CUL1: variants seen among roughly 807,000 people sequenced by gnomAD.
CUL1 encodes cullin 1.
CUL1 carries 24 observed loss-of-function variants against 118.0 expected under a neutral mutation model. That is an observed-to-expected ratio of 0.20 (90% CI 0.15 to 0.29). CUL1 has a LOEUF of 0.29. Among genes scored for constraint, CUL1 ranks in the 10% least tolerant of loss-of-function variants. The pLI, the probability that CUL1 is intolerant of heterozygous loss-of-function variation, is 1.00. For synonymous variants in CUL1, 332 were observed against 340.4 expected (o/e 0.98, Z 0.27); for missense variants, 361 against 933.8 (o/e 0.39, Z 7.99).
At chr7:148,790,521 TCAG>T (rs1183289615) in intron 16 of CUL1, 80 bp downstream of exon 16, 9 of 1,228,792 alleles carry the variant, frequency 7.3e-6, no homozygotes, top group Non-Finnish European at 9.3e-6. Flanking sequence ...ATCAGCTGAC[TCAG>T]CAGCAGAATC....
In CUL1 at chr7:148,735,237, G is replaced by A. The variant is rs141738126; in HGVS notation, c.140+4975G>A. Among the ~76,000 whole-genome samples the A allele has an allele frequency of 1.1e-4, 17 of 152,318 alleles. No individual in the cohort carries two copies. In the East Asian group the frequency reaches 2.9e-3, roughly 26 times the overall value. ...ATAAGGTTCGTGATTGCTGGGGGTC[G>A]GGGCACTTTTTCACCCGAGTCAATC... is the stretch of plus-strand genomic sequence containing the variant. On this transcript the variant is annotated intron_variant, in intron 2 of 21. Coordinates refer to ENST00000325222, the MANE Select transcript of CUL1 (RefSeq NM_003592.3).
At chr7:148,727,220 A>G (rs1359383811) in intron 1 of CUL1, among the ~76,000 whole-genome samples, 2 of 152,200 alleles carry the variant, frequency 1.3e-5, no homozygotes, top group Admixed American at 1.3e-4. Flanking sequence ...GTATGTATAC[A>G]TTTGCAGTGA....
chr7:148,785,633 G>A (rs1156401110), intron 11 of CUL1, among the ~76,000 whole-genome samples: 1 of 151,388 alleles, frequency 6.6e-6, no homozygotes, highest in Non-Finnish European at 1.5e-5. Context: ...CAAAGTGCTG[G>A]GATTACAGGT....
At chr7:148,781,771 G>C (rs867606780) in intron 9 of CUL1, among the ~76,000 whole-genome samples, 1 of 152,216 alleles carries the variant, frequency 6.6e-6, no homozygotes, top group Non-Finnish European at 1.5e-5. Context: ...CGTGCAGGCC[G>C]AGTGGTCAGG....
chr7:148,721,020 A>G (rs1023346216), intron 1 of CUL1, among the ~76,000 whole-genome samples: 1 of 152,210 alleles, frequency 6.6e-6, no homozygotes. Flanking sequence ...TTTTCTTTTC[A>G]GGCATTCCAT....
intron 9 of CUL1, among the ~76,000 whole-genome samples, chr7:148,768,723 T>G (rs914964197): frequency 1.3e-5 from 2 of 152,164 alleles, no homozygotes; most frequent in Non-Finnish European, 2.9e-5. Flanking sequence ...TTCTTACATC[T>G]GAATGCAGAA....
At chr7:148,721,975 G>A (rs1252140589) in intron 1 of CUL1, among the ~76,000 whole-genome samples, 3 of 151,960 alleles carry the variant, frequency 2.0e-5, no homozygotes, top group East Asian at 1.9e-4. Context: ...TTTTACTGTC[G>A]GTTTCATATC....
chr7:148,725,876 A>G (rs932854862), intron 1 of CUL1, among the ~76,000 whole-genome samples: 1 of 152,216 alleles, frequency 6.6e-6, no homozygotes, highest in African/African-American at 2.4e-5. Context: ...TTAAGTATGA[A>G]TTTTTGAAAA....
rs200384852 is a variant in CUL1 at position 148,742,704 on chromosome 7, C to T, written c.141-11272C>T. On this transcript the variant is annotated intron_variant, in intron 2 of 21. Transcript: ENST00000325222. ...GCAGTCTCTGCCTCCCGGGTTCAAG[C>T]GATTCTCCTGCCTCAGCCTCCTGAG... is the stretch of plus-strand genomic sequence containing the variant. 5.3e-5 allele frequency among the ~76,000 whole-genome samples: 8 copies of T among 150,082 alleles called. No individual in the cohort carries two copies. The East Asian group carries it at 9.9e-4, about 19-fold the overall frequency.
At chr7:148,760,782 G>A (rs1469120602) in intron 7 of CUL1, among the ~76,000 whole-genome samples, 1 of 152,102 alleles carries the variant, frequency 6.6e-6, no homozygotes, top group Non-Finnish European at 1.5e-5. Context: ...TATATAAAAT[G>A]GGCATCACAG....
At chr7:148,775,122 G>T (rs922518146) in intron 9 of CUL1, among the ~76,000 whole-genome samples, 1 of 152,208 alleles carries the variant, frequency 6.6e-6, no homozygotes, top group Non-Finnish European at 1.5e-5. Flanking sequence ...GTGAACAGAC[G>T]AATGTACTAC....
chr7:148,796,199 A>G (rs59619151), intron 17 of CUL1, among the ~76,000 whole-genome samples: 12,757 of 152,194 alleles, frequency 0.084, 675 homozygotes, highest in African/African-American at 0.14. Context: ...GTATCATGCA[A>G]GAGTGTTGTA....
intron 1 of CUL1, among the ~76,000 whole-genome samples, chr7:148,728,017 G>A (rs991914384): frequency 6.6e-6 from 1 of 152,090 alleles, no homozygotes; most frequent in Non-Finnish European, 1.5e-5. Flanking sequence ...CAGACACAAG[G>A]TATTGGAATC....
intron 1 of CUL1, among the ~76,000 whole-genome samples, chr7:148,710,377 C>T (rs1403068024): frequency 6.6e-6 from 1 of 152,136 alleles, no homozygotes; most frequent in Non-Finnish European, 1.5e-5. Context: ...CGAGACCAGC[C>T]TGACCAACAT....
intron 7 of CUL1, among the ~76,000 whole-genome samples, chr7:148,762,093 G>T (rs78060472): frequency 6.6e-6 from 1 of 152,208 alleles, no homozygotes; most frequent in African/African-American, 2.4e-5. Flanking sequence ...CACAGCCAGC[G>T]ATTGAGGATC....
chr7:148,733,281 C>G (rs1377250682), intron 2 of CUL1, among the ~76,000 whole-genome samples: 1 of 152,170 alleles, frequency 6.6e-6, no homozygotes, highest in Non-Finnish European at 1.5e-5. Flanking sequence ...AGAAGTGAAA[C>G]AGTAGAGTGT....
At chr7:148,703,741 C>A (rs1797793135) in intron 1 of CUL1, among the ~76,000 whole-genome samples, 1 of 152,004 alleles carries the variant, frequency 6.6e-6, no homozygotes, top group African/African-American at 2.4e-5. Flanking sequence ...CCATGTTGGC[C>A]AGGCTGGTCT....
chr7:148,799,184 G>A (rs11979066), intron 20 of CUL1, 91 bp from the exon 21 acceptor site: 62,765 of 910,392 alleles, frequency 0.069, 2,496 homozygotes, highest in Middle Eastern at 0.12. Flanking sequence ...GTGCATAGGC[G>A]TCGGCAGCCT....
chr7:148,748,561 C>T (rs181398670), intron 2 of CUL1, among the ~76,000 whole-genome samples: 86 of 152,114 alleles, frequency 5.7e-4, no homozygotes, highest in African/African-American at 2.0e-3. Context: ...TTGATAAAAC[C>T]ATTTGGGAGA....
Sources: gnomAD v4.1 joint callset for allele counts (sites outside exome capture counted in the v4.1 genomes callset) on GRCh38, gnomAD v4.1.1 for gene constraint, MANE v1.5 for transcripts, NCBI Gene and HGNC (gene_info 2026-07-23, HGNC 2026-07-21) for gene names.